CLSTN2: variants seen among roughly 807,000 people sequenced by gnomAD.
CLSTN2 encodes calsyntenin 2, also known as calsyntenin-2.
Under a neutral mutation model 101.2 loss-of-function variants are expected in CLSTN2, and 48 were observed. The ratio of observed to expected loss-of-function variants is 0.47; its 90% CI spans 0.38 to 0.60. CLSTN2 has a LOEUF of 0.60. Ranked by LOEUF, CLSTN2 falls within the 20% of genes least tolerant of loss-of-function variation. The probability of loss-of-function intolerance (pLI) is 0.00; values close to 1 mark genes in which losing one functional copy is unlikely to be tolerated. For missense variants in CLSTN2, 1,160 were observed against 1,238.2 expected (o/e 0.94, Z 0.95); for synonymous variants, 481 against 463.6 (o/e 1.04, Z -0.48).
At chr3:140,155,053 G>T (rs1429003400) in intron 1 of CLSTN2, among the ~76,000 whole-genome samples, 11 of 152,236 alleles carry the variant, frequency 7.2e-5, no homozygotes, top group African/African-American at 2.6e-4. Flanking sequence ...AGATTTGGGT[G>T]GGGACACAGA....
intron 2 of CLSTN2, among the ~76,000 whole-genome samples, chr3:140,354,312 C>G (rs2087641945): frequency 6.6e-6 from 1 of 152,212 alleles, no homozygotes; most frequent in African/African-American, 2.4e-5. Flanking sequence ...GTTTGTTTAT[C>G]AAGCTTTGTA....
chr3:140,276,910 G>A lies in CLSTN2; in HGVS notation c.232+100837G>A, dbSNP rs578253682. 8.5e-5 allele frequency among the ~76,000 whole-genome samples: 13 copies of A among 152,284 alleles called. No individual in the cohort carries two copies. The East Asian group carries it at 2.3e-3, about 27-fold the overall frequency. ...TTATGGCACTTAAGAAAGCCTGTAG[G>A]CAGAGAAGCAGGGAGAGGCAGGCCC... On this transcript the variant is annotated intron_variant, in intron 2 of 16. Coordinates refer to ENST00000458420, the MANE Select transcript of CLSTN2 (RefSeq NM_022131.3).
intron 8 of CLSTN2, among the ~76,000 whole-genome samples, chr3:140,492,463 G>T (rs779597003): frequency 1.2e-4 from 18 of 152,198 alleles, no homozygotes; most frequent in Non-Finnish European, 2.4e-4. Context: ...TGTCCATGAG[G>T]ATAGTAGATT....
Position 140,466,674 on chromosome 3 carries a change from G to T in CLSTN2, c.1287G>T (p.Lys429Asn). 1 of 1,614,172 alleles carries T rather than the reference G, an allele frequency of 6.2e-7. No homozygotes were observed. The change falls in exon 8 of 17, where the codon AAG becomes AAT. Residue 429 changes from lysine (K) to asparagine (N), a missense_variant. Coordinates refer to ENST00000458420, the MANE Select transcript of CLSTN2 (RefSeq NM_022131.3). ...GCCGCCTCGTCTTTCTCTTGCGGAA[G>T]GACTTCGACCAGGCTGACACCTTTC... ...HNCRLVFLLR[K>N]DFDQADTFRP... is the part of the protein sequence containing the mutation.
chr3:140,403,974 C>T, intron 3 of CLSTN2, 150 bp downstream of exon 3: 1 of 631,088 alleles, frequency 1.6e-6, no homozygotes, highest in Non-Finnish European at 2.8e-6. Flanking sequence ...TGGTCCCATG[C>T]AGGCATCTTC....
intron 2 of CLSTN2, among the ~76,000 whole-genome samples, chr3:140,350,490 C>T (rs2087594026): frequency 1.3e-5 from 2 of 152,170 alleles, no homozygotes; most frequent in African/African-American, 4.8e-5. Flanking sequence ...AGCACCTATG[C>T]ATGTTTTGTC....
intron 1 of CLSTN2, among the ~76,000 whole-genome samples, chr3:139,955,314 C>T (rs1444225421): frequency 6.6e-6 from 1 of 151,636 alleles, no homozygotes; most frequent in Non-Finnish European, 1.5e-5. Flanking sequence ...TTTCTCATCT[C>T]TAAAATGGGT....
chr3:140,280,212 A>G (rs886826339), intron 2 of CLSTN2, among the ~76,000 whole-genome samples: 1 of 152,190 alleles, frequency 6.6e-6, no homozygotes, highest in Non-Finnish European at 1.5e-5. Flanking sequence ...ACATAATAAT[A>G]TGTGTGCAAA....
chr3:140,525,084 G>T (rs1242276495), intron 8 of CLSTN2, among the ~76,000 whole-genome samples: 3 of 152,102 alleles, frequency 2.0e-5, no homozygotes, highest in Admixed American at 2.0e-4. Flanking sequence ...CAGAAGAAAA[G>T]AAATAACTAA....
chr3:140,006,814 T>A (rs1396786107), intron 1 of CLSTN2, among the ~76,000 whole-genome samples: 1 of 152,174 alleles, frequency 6.6e-6, no homozygotes, highest in Non-Finnish European at 1.5e-5. Context: ...TGGTACTCAG[T>A]AAATAGTAGC....
chr3:140,116,939 T>C (rs1045405892), intron 1 of CLSTN2, among the ~76,000 whole-genome samples: 40 of 152,188 alleles, frequency 2.6e-4, no homozygotes, highest in African/African-American at 9.2e-4. Flanking sequence ...CCATTTTACC[T>C]TTTTTGACAT....
At chr3:140,338,449 T>C (rs550832200) in intron 2 of CLSTN2, among the ~76,000 whole-genome samples, 8 of 152,172 alleles carry the variant, frequency 5.3e-5, no homozygotes, top group Non-Finnish European at 1.0e-4. Flanking sequence ...CTATCAATGC[T>C]CTACAGCCAG....
chr3:140,449,385 C>T (rs1933183869), intron 6 of CLSTN2: 1 of 152,156 alleles, frequency 6.6e-6, no homozygotes, highest in South Asian at 2.1e-4. Flanking sequence ...GCAGTGCAGG[C>T]TTTATTCAAT....
intron 1 of CLSTN2, among the ~76,000 whole-genome samples, chr3:140,016,907 C>G (rs1344117783): frequency 1.3e-5 from 2 of 151,614 alleles, no homozygotes; most frequent in Non-Finnish European, 2.9e-5. Context: ...AGCTTCCAGT[C>G]AAAGTAGGCT....
intron 2 of CLSTN2, among the ~76,000 whole-genome samples, chr3:140,317,704 T>C (rs1324291748): frequency 6.6e-6 from 1 of 152,234 alleles, no homozygotes; most frequent in Non-Finnish European, 1.5e-5. Flanking sequence ...CAGTATACAA[T>C]TGTTAGAGAA....
intron 2 of CLSTN2, among the ~76,000 whole-genome samples, chr3:140,309,811 G>A (rs79867636): frequency 3.3e-5 from 5 of 152,132 alleles, no homozygotes; most frequent in Non-Finnish European, 5.9e-5. Flanking sequence ...CCCTGGTTTA[G>A]CACTTGGCCC....
At chr3:140,050,465 T>C (rs770688932) in intron 1 of CLSTN2, among the ~76,000 whole-genome samples, 4 of 152,174 alleles carry the variant, frequency 2.6e-5, no homozygotes, top group Non-Finnish European at 4.4e-5. Context: ...ATGGAAGCCA[T>C]GACCATCCCC....
At chr3:140,198,065 A>G in intron 2 of CLSTN2, among the ~76,000 whole-genome samples, 1 of 152,196 alleles carries the variant, frequency 6.6e-6, no homozygotes, top group East Asian at 1.9e-4. Context: ...AAAGCAATGG[A>G]AAGGTTTTAG....
intron 2 of CLSTN2, among the ~76,000 whole-genome samples, chr3:140,379,486 G>A (rs1386303031): frequency 6.6e-6 from 1 of 152,194 alleles, no homozygotes; most frequent in Non-Finnish European, 1.5e-5. Flanking sequence ...CACTATGGTG[G>A]CATCCACCCC....
Sources: allele counts gnomAD v4.1 joint callset (sites outside exome capture counted in the v4.1 genomes callset), GRCh38; gene constraint gnomAD v4.1.1; transcripts MANE v1.5; gene names NCBI Gene and HGNC (gene_info 2026-07-23, HGNC 2026-07-21).